P4HA3: variants seen among roughly 807,000 people sequenced by gnomAD.
The protein encoded by P4HA3 is prolyl 4-hydroxylase subunit alpha-3.
P4HA3 carries 60 observed loss-of-function variants against 66.7 expected under a neutral mutation model. The observed-to-expected ratio is 0.90, with a 90% confidence interval of 0.73 to 1.12. The LOEUF is 1.12. P4HA3 is among the 50% of genes most tolerant of loss of function. P4HA3 has a pLI of 0.00. For synonymous variants in P4HA3, 263 were observed against 274.6 expected (o/e 0.96, Z 0.42); for missense variants, 683 against 685.8 (o/e 1.00, Z 0.05).
At chr11:74,268,114 C>T (rs753412439) in intron 12 of P4HA3, 31 bp downstream of exon 12, 1 of 1,581,706 alleles carries the variant, frequency 6.3e-7, no homozygotes, top group South Asian at 1.1e-5. Context: ...ACCCTGTACC[C>T]CCTTCTCATG....
intron 1 of P4HA3, among the ~76,000 whole-genome samples, chr11:74,309,815 G>A (rs1044122344): frequency 6.6e-6 from 1 of 152,100 alleles, no homozygotes; most frequent in Non-Finnish European, 1.5e-5. Flanking sequence ...CATACTTAAG[G>A]ACAAGCACCA....
downstream of P4HA3, among the ~76,000 whole-genome samples, chr11:74,266,127 G>T (rs990971961): frequency 1.3e-5 from 2 of 152,182 alleles, no homozygotes; most frequent in South Asian, 4.2e-4. Context: ...TGAAGGTGGT[G>T]GTGATGGGCA....
At chr11:74,281,874 T>TAATAATAATAATAAC (rs1285429635) in intron 7 of P4HA3, among the ~76,000 whole-genome samples, 1 of 146,562 alleles carries the variant, frequency 6.8e-6, no homozygotes, top group East Asian at 2.0e-4. Flanking sequence ...TAAAGTATAA[T>TAATAATAATAATAAC]AATAATAATA....
At chr11:74,260,877 A>G (rs1859895658) in intron 14 of P4HA3, among the ~76,000 whole-genome samples, 1 of 152,080 alleles carries the variant, frequency 6.6e-6, no homozygotes, top group Non-Finnish European at 1.5e-5. Context: ...AACTCACATG[A>G]CCCCCATCAC....
At chr11:74,263,713 T>C (rs1343928357), downstream of P4HA3, among the ~76,000 whole-genome samples, 2 of 152,188 alleles carry the variant, frequency 1.3e-5, no homozygotes, top group Non-Finnish European at 2.9e-5. Flanking sequence ...ATAATGATAA[T>C]AGACTTTAAT....
At chr11:74,274,019 G>A (rs1260728741) in intron 9 of P4HA3, among the ~76,000 whole-genome samples, 1 of 151,354 alleles carries the variant, frequency 6.6e-6, no homozygotes, top group Non-Finnish European at 1.5e-5. Context: ...TTTTGTCATG[G>A]AACAGTTTGA....
chr11:74,292,729 G>T (rs1414606437), intron 4 of P4HA3, among the ~76,000 whole-genome samples: 1 of 152,152 alleles, frequency 6.6e-6, no homozygotes, highest in Non-Finnish European at 1.5e-5. Flanking sequence ...GGAGCAGGTT[G>T]TTCAGTTTCC....
At chr11:74,258,969 C>T (rs540507493) in intron 15 of P4HA3, among the ~76,000 whole-genome samples, 2 of 152,254 alleles carry the variant, frequency 1.3e-5, no homozygotes, top group East Asian at 1.9e-4. Flanking sequence ...CCCCACAGGG[C>T]GGGGAGACCA....
At chr11:74,251,126 G>A in intron 15 of P4HA3, 2 of 1,524,696 alleles carry the variant, frequency 1.3e-6, no homozygotes, top group South Asian at 1.2e-5. Flanking sequence ...AGCAGCTGCT[G>A]TGGAGCCTAT....
intron 5 of P4HA3, among the ~76,000 whole-genome samples, chr11:74,286,676 G>A (rs1402569932): frequency 1.3e-5 from 2 of 152,164 alleles, no homozygotes; most frequent in African/African-American, 4.8e-5. Context: ...TCATGAAGAT[G>A]GCTGCTCTGG....
chr11:74,255,363 C>CTT (rs1859808360), intron 15 of P4HA3, among the ~76,000 whole-genome samples: 1 of 152,178 alleles, frequency 6.6e-6, no homozygotes, highest in Non-Finnish European at 1.5e-5. Flanking sequence ...TCATCTCTCA[C>CTT]TTTGATCACT....
intron 5 of P4HA3, among the ~76,000 whole-genome samples, chr11:74,286,949 T>C (rs956420360): frequency 3.3e-5 from 5 of 152,298 alleles, no homozygotes; most frequent in African/African-American, 1.2e-4. Flanking sequence ...CCCAGAGAAT[T>C]GGAAGCTAAT....
At chr11:74,294,889 G>A (rs1187760025) in intron 4 of P4HA3, among the ~76,000 whole-genome samples, 2 of 152,194 alleles carry the variant, frequency 1.3e-5, no homozygotes, top group Admixed American at 6.5e-5. Context: ...CTACTCGGGG[G>A]TAAGGGACCC....
Position 74,251,085 on chromosome 11 carries a change from A to C in P4HA3, c.*1319-3084T>G, listed in dbSNP as rs1034590881. 14 of 1,545,684 alleles carry C rather than the reference A, an allele frequency of 9.1e-6. No individual in the cohort carries two copies. In the East Asian group the frequency reaches 3.4e-4, roughly 38 times the overall value. On this transcript the variant is annotated intron_variant and NMD_transcript_variant, in intron 15 of 15. Transcript: ENST00000524388. ...AATAACCCTGGATGTCACAGAAGACAAGTCTCTGAGTCTCAGCCTGCATTG... is the reference window on the plus strand; with the variant it reads ...AATAACCCTGGATGTCACAGAAGACCAGTCTCTGAGTCTCAGCCTGCATTG...
At chr11:74,253,611 A>G (rs972496325) in intron 15 of P4HA3, 2 of 1,334,088 alleles carry the variant, frequency 1.5e-6, no homozygotes, top group South Asian at 1.2e-5. Flanking sequence ...CCGCCCAGCC[A>G]TGTGACACTG....
At chr11:74,302,926 T>C (rs1861454779) in intron 2 of P4HA3, among the ~76,000 whole-genome samples, 2 of 152,102 alleles carry the variant, frequency 1.3e-5, no homozygotes, top group Admixed American at 6.5e-5. Flanking sequence ...TTTCTTTTTT[T>C]CTCTTCTCTC....
rs185763738 is a variant in P4HA3 at position 74,261,531 on chromosome 11, C to T, written c.*1105-1395G>A. On this transcript the variant is annotated intron_variant and NMD_transcript_variant, in intron 14 of 15. Transcript: ENST00000524388. Reference sequence around the variant, plus strand: ...TTCACTGGGGACCTGACCCTATCTGCCTAGGCATTTGTCTGCTTCCTGCCG... The same window carrying T: ...TTCACTGGGGACCTGACCCTATCTGTCTAGGCATTTGTCTGCTTCCTGCCG... 1.4e-4 allele frequency among the ~76,000 whole-genome samples: 22 copies of T among 152,314 alleles called. No homozygotes were observed. The East Asian group carries it at 4.0e-3, about 28-fold the overall frequency.
intron 7 of P4HA3, among the ~76,000 whole-genome samples, chr11:74,282,075 A>T: frequency 6.6e-6 from 1 of 150,434 alleles, no homozygotes. Context: ...TGTAGAGGAG[A>T]AACTCATAGA....
intron 4 of P4HA3, among the ~76,000 whole-genome samples, chr11:74,295,824 C>T (rs1395389054): frequency 6.6e-6 from 1 of 152,142 alleles, no homozygotes; most frequent in Non-Finnish European, 1.5e-5. Context: ...CTCTGTTCTA[C>T]ATTTAACAAG....
Sources: allele counts gnomAD v4.1 joint callset (sites outside exome capture counted in the v4.1 genomes callset), GRCh38; gene constraint gnomAD v4.1.1; transcripts MANE v1.5; gene names NCBI Gene and HGNC (gene_info 2026-07-23, HGNC 2026-07-21).